The following MPHOSPH6 variants were observed in gnomAD, a reference collection of about 807,000 sequenced individuals.
The protein encoded by MPHOSPH6 is M-phase phosphoprotein 6.
A neutral mutation model predicts 21.8 loss-of-function variants in MPHOSPH6; 25 were observed. That is an observed-to-expected ratio of 1.15 (90% CI 0.83 to 1.60). The LOEUF (loss-of-function observed/expected upper bound fraction) is 1.60, where lower values mean the gene tolerates loss of function less well. Ranked by LOEUF, MPHOSPH6 falls within the 40% of genes most tolerant of loss-of-function variation. MPHOSPH6 has a pLI of 0.00. For synonymous variants in MPHOSPH6, 84 were observed against 56.5 expected (o/e 1.49, Z -2.18); for missense variants, 269 against 181.8 (o/e 1.48, Z -2.76).
At chr16:82,157,556 T>G (rs1906466737) in intron 2 of MPHOSPH6, among the ~76,000 whole-genome samples, 1 of 152,228 alleles carries the variant, frequency 6.6e-6, no homozygotes, top group Non-Finnish European at 1.5e-5. Context: ...GAGTATGGTT[T>G]ACAAAGATGC....
chr16:82,151,777 T>C (rs1043879314), intron 2 of MPHOSPH6, among the ~76,000 whole-genome samples: 1 of 152,236 alleles, frequency 6.6e-6, no homozygotes, highest in Non-Finnish European at 1.5e-5. Flanking sequence ...AATATAAAGA[T>C]CTAAAGTATT....
intron 4 of MPHOSPH6, 44 bp downstream of exon 4, chr16:82,149,265 G>A: frequency 6.3e-7 from 1 of 1,585,752 alleles, no homozygotes. Context: ...GAGAGCCAAT[G>A]AATGCTAGGT....
intron 2 of MPHOSPH6, among the ~76,000 whole-genome samples, chr16:82,163,562 G>A (rs1424370515): frequency 6.6e-6 from 1 of 152,170 alleles, no homozygotes; most frequent in Non-Finnish European, 1.5e-5. Flanking sequence ...TTGCTACGAA[G>A]ATTCAATAAC....
intron 1 of MPHOSPH6, among the ~76,000 whole-genome samples, chr16:82,166,504 A>G (rs1022210579): frequency 6.6e-6 from 1 of 152,192 alleles, no homozygotes; most frequent in Non-Finnish European, 1.5e-5. Context: ...GCACATTCTC[A>G]AGACAGCCTC....
chr16:82,150,013 C>CT lies in MPHOSPH6; in HGVS notation c.256-611dup, dbSNP rs68120502. On this transcript the variant is annotated intron_variant, in intron 3 of 4. Coordinates refer to ENST00000258169, the MANE Select transcript of MPHOSPH6 (RefSeq NM_005792.2). ...CTTTTTGTGATAATTATCCTCTGACCTTTTTTTTTTTAAATGTGTAATCTC... is the reference window on the plus strand; with the variant it reads ...CTTTTTGTGATAATTATCCTCTGACCTTTTTTTTTTTTAAATGTGTAATCTC... Among the ~76,000 whole-genome samples, 346 of 147,154 alleles carry CT rather than the reference C, an allele frequency of 2.4e-3. 1 individual carries two copies. The highest frequency in any genetic ancestry group is 8.1e-3 in the African/African-American group (326 of 40,342).
intron 1 of MPHOSPH6, chr16:82,167,412 A>G (rs11866709): frequency 0.65 from 99,234 of 152,198 alleles, 34,468 homozygotes; most frequent in East Asian, 0.78. Context: ...CTGGAAGACA[A>G]TTTTTCCACG....
At chr16:82,166,633 T>C (rs891816729) in intron 1 of MPHOSPH6, among the ~76,000 whole-genome samples, 5 of 151,860 alleles carry the variant, frequency 3.3e-5, no homozygotes, top group Non-Finnish European at 7.3e-5. Context: ...GCACCCCTGG[T>C]ACACAAAAGA....
At chr16:82,169,194 A>T (rs371835156) in intron 1 of MPHOSPH6, among the ~76,000 whole-genome samples, 2 of 152,240 alleles carry the variant, frequency 1.3e-5, no homozygotes, top group African/African-American at 4.8e-5. Flanking sequence ...AATATCTTTA[A>T]TCTGGCCTCA....
chr16:82,166,074 G>A (rs184516373), intron 1 of MPHOSPH6, among the ~76,000 whole-genome samples: 2 of 152,310 alleles, frequency 1.3e-5, no homozygotes, highest in Admixed American at 1.3e-4. Flanking sequence ...GTGTAAAATG[G>A]TGAAATCTGC....
chr16:82,162,213 C>T (rs958386580), intron 2 of MPHOSPH6: 3 of 152,212 alleles, frequency 2.0e-5, no homozygotes, highest in Non-Finnish European at 4.4e-5. Context: ...GTAACTCACC[C>T]AAGGTGACAA....
chr16:82,153,076 A>C (rs1391881855), intron 2 of MPHOSPH6, among the ~76,000 whole-genome samples: 2 of 152,238 alleles, frequency 1.3e-5, no homozygotes, highest in East Asian at 3.9e-4. Context: ...GCAATGAGTC[A>C]AGATTGTGCC....
chr16:82,149,122 C>T (rs1249615155), intron 4 of MPHOSPH6, among the ~76,000 whole-genome samples, 187 bp downstream of exon 4: 4 of 152,298 alleles, frequency 2.6e-5, no homozygotes, highest in Admixed American at 1.3e-4. Flanking sequence ...TGGAAATGGG[C>T]CCTCAACTGG....
rs1567616059 is a variant in MPHOSPH6 at position 82,165,130 on chromosome 16, T to TTTTTTC, written c.52-937_52-936insGAAAAA. ...CCGATATTTCTTTTTTATTTTTTTT[T>TTTTTTC]TTATTTTTTTTTTTTGAGACAGAGT... On this transcript the variant is annotated intron_variant, in intron 1 of 4. Transcript: ENST00000258169. Among the ~76,000 whole-genome samples the TTTTTTC allele has an allele frequency of 5.6e-5, 5 of 89,416 alleles. 1 individual carries two copies. The highest frequency in any genetic ancestry group is 3.7e-4 in the African/African-American group (5 of 13,586). The allele number at this position is 89,416 out of a possible 152,430, so 58.7% of individuals were successfully genotyped here.
intron 3 of MPHOSPH6, 21 bp from the exon 4 acceptor site, chr16:82,149,424 G>A (rs541164873): frequency 3.3e-5 from 53 of 1,603,628 alleles, no homozygotes; most frequent in Non-Finnish European, 4.3e-5. Flanking sequence ...CACCAGTGCT[G>A]ACCTTCAGGC....
At chr16:82,169,998 G>A (rs113862831) in intron 1 of MPHOSPH6, 127 bp downstream of exon 1, 29 of 1,069,426 alleles carry the variant, frequency 2.7e-5, no homozygotes, top group African/African-American at 9.6e-5. Context: ...GAATGAATGA[G>A]CACGAGAGCT....
chr16:82,161,314 C>T (rs972117868), intron 2 of MPHOSPH6, among the ~76,000 whole-genome samples: 2 of 152,154 alleles, frequency 1.3e-5, no homozygotes, highest in African/African-American at 4.8e-5. Flanking sequence ...CTATCTTCCA[C>T]CAGCATCAGT....
intron 2 of MPHOSPH6, 132 bp downstream of exon 2, chr16:82,163,950 G>C: frequency 3.3e-6 from 2 of 601,010 alleles, no homozygotes; most frequent in Non-Finnish European, 5.8e-6. Flanking sequence ...TTTTTTAGTT[G>C]TGCTACTAAA....
chr16:82,150,195 G>T (rs546091653), intron 3 of MPHOSPH6, among the ~76,000 whole-genome samples: 3 of 151,810 alleles, frequency 2.0e-5, no homozygotes, highest in Non-Finnish European at 4.4e-5. Context: ...TCTAACACCC[G>T]TCCCTGCCCC....
intron 3 of MPHOSPH6, 44 bp downstream of exon 3, chr16:82,151,380 T>C: frequency 1.3e-6 from 2 of 1,598,420 alleles, no homozygotes; most frequent in Non-Finnish European, 1.7e-6. Context: ...CAGAAAAAAA[T>C]TCAATTGGAA....
Sources: gnomAD v4.1 joint callset for allele counts (sites outside exome capture counted in the v4.1 genomes callset) on GRCh38, gnomAD v4.1.1 for gene constraint, MANE v1.5 for transcripts, NCBI Gene and HGNC (gene_info 2026-07-23, HGNC 2026-07-21) for gene names.